VAC14: variants seen among roughly 807,000 people sequenced by gnomAD.
VAC14 encodes the protein VAC14 component of PIKFYVE complex.
Under a neutral mutation model 85.3 loss-of-function variants are expected in VAC14, and 47 were observed. The ratio of observed to expected loss-of-function variants is 0.55; its 90% CI spans 0.44 to 0.70. The LOEUF is 0.70. VAC14 is among the 30% of genes least tolerant of loss of function. VAC14 has a pLI of 0.00. For missense variants in VAC14, 861 were observed against 1,004.3 expected (o/e 0.86, Z 1.93); for synonymous variants, 447 against 430.5 (o/e 1.04, Z -0.47).
intron 12 of VAC14, among the ~76,000 whole-genome samples, chr16:70,759,836 G>A (rs1406234977): frequency 6.6e-6 from 1 of 152,116 alleles, no homozygotes; most frequent in Admixed American, 6.5e-5. Context: ...TGAGACTCAG[G>A]CCTGGTGAGG....
At chr16:70,769,705 G>C (rs546271477) in intron 10 of VAC14, 1 of 152,224 alleles carries the variant, frequency 6.6e-6, no homozygotes, top group Non-Finnish European at 1.5e-5. Flanking sequence ...CTTGGCACAA[G>C]AACTGAGGGC....
intron 13 of VAC14, among the ~76,000 whole-genome samples, chr16:70,736,132 G>A (rs778924591): frequency 7.2e-5 from 11 of 152,308 alleles, no homozygotes; most frequent in Non-Finnish European, 1.5e-4. Context: ...GTGCGGGGCC[G>A]TTCCAGCCTC....
chr16:70,690,530 C>G (rs1387222045), intron 18 of VAC14: 4 of 985,504 alleles, frequency 4.1e-6, no homozygotes, highest in Non-Finnish European at 4.8e-6. Context: ...GAGACAGTCA[C>G]TGGGGAGTGG....
chr16:70,729,491 C>T (rs1364357195), intron 14 of VAC14, among the ~76,000 whole-genome samples: 1 of 152,110 alleles, frequency 6.6e-6, no homozygotes, highest in Non-Finnish European at 1.5e-5. Flanking sequence ...GGCCGGTCAC[C>T]TCCTGTACGC....
At chr16:70,754,571 AGGG>A (rs997697709) in intron 12 of VAC14, among the ~76,000 whole-genome samples, 3 of 151,972 alleles carry the variant, frequency 2.0e-5, no homozygotes, top group African/African-American at 7.3e-5. Context: ...CCGCGGGGAG[AGGG>A]GACAGAGGGC....
At chr16:70,752,577 C>T (rs946373000) in intron 12 of VAC14, among the ~76,000 whole-genome samples, 1 of 152,258 alleles carries the variant, frequency 6.6e-6, no homozygotes, top group Non-Finnish European at 1.5e-5. Context: ...CACTCATACC[C>T]GCTATGGCTC....
chr16:70,697,076 G>A, intron 16 of VAC14, 63 bp downstream of exon 16: 1 of 1,403,748 alleles, frequency 7.1e-7, no homozygotes, highest in South Asian at 1.2e-5. Context: ...GGTGGAAAGG[G>A]GGCAGCCGGC....
intron 14 of VAC14, among the ~76,000 whole-genome samples, chr16:70,724,210 C>A (rs1297982324): frequency 6.6e-6 from 1 of 152,186 alleles, no homozygotes; most frequent in Non-Finnish European, 1.5e-5. Flanking sequence ...GCAAGGCCTG[C>A]CACATGTGGT....
At chr16:70,785,929 C>T (rs2034034466) in intron 2 of VAC14, 60 bp from the exon 3 acceptor site, 1 of 1,527,978 alleles carries the variant, frequency 6.5e-7, no homozygotes. Context: ...GCCCTGCAGC[C>T]TGCAGTGCCA....
rs570788109 is a variant in VAC14, at chr16:70,757,750, C to T, written c.1371+4790G>A. 2.6e-5 allele frequency among the ~76,000 whole-genome samples: 4 copies of T among 152,322 alleles called. No homozygotes were observed. The East Asian group carries it at 7.7e-4, about 29-fold the overall frequency. ...CCAGGCCCTTTACAGAAATGACCTC[C>T]TGCATCGGAGGAGCTACTGCTTATC... On this transcript the variant is annotated intron_variant, in intron 12 of 18. Transcript: ENST00000261776.
At chr16:70,784,259 A>G in intron 4 of VAC14, 39 bp from the exon 5 acceptor site, 2 of 1,566,634 alleles carry the variant, frequency 1.3e-6, no homozygotes, top group Non-Finnish European at 1.8e-6. Context: ...AGAGCCCGAG[A>G]CCAGGGCTGC....
At chr16:70,696,993 G>A (rs2053725470) in intron 16 of VAC14, 146 bp downstream of exon 16, 5 of 648,098 alleles carry the variant, frequency 7.7e-6, no homozygotes, top group Non-Finnish European at 1.4e-5. Flanking sequence ...TGTCCTGGCA[G>A]CCCTGATGTC....
intron 1 of VAC14, among the ~76,000 whole-genome samples, chr16:70,798,108 T>C (rs2034623922): frequency 6.6e-6 from 1 of 152,222 alleles, no homozygotes; most frequent in Non-Finnish European, 1.5e-5. Context: ...ATGAAGAAAT[T>C]GAGGCACAGA....
chr16:70,765,377 AGTG>A (rs986024616), intron 10 of VAC14, among the ~76,000 whole-genome samples: 4 of 152,196 alleles, frequency 2.6e-5, no homozygotes, highest in Non-Finnish European at 4.4e-5. Flanking sequence ...GGGCAGGATC[AGTG>A]GTGTGTCTGA....
intron 10 of VAC14, among the ~76,000 whole-genome samples, chr16:70,767,723 A>G (rs947672753): frequency 4.6e-5 from 7 of 152,234 alleles, no homozygotes; most frequent in Admixed American, 4.6e-4. Context: ...TAGTTGAGTG[A>G]CTCTGGGCAA....
chr16:70,788,262 G>T (rs565259425), intron 1 of VAC14, among the ~76,000 whole-genome samples: 26 of 152,352 alleles, frequency 1.7e-4, no homozygotes, highest in Admixed American at 1.5e-3. Flanking sequence ...GTTCAAAGAG[G>T]GACCGGGCAG....
chr16:70,713,264 C>T (rs2054075749), intron 14 of VAC14, among the ~76,000 whole-genome samples: 1 of 152,172 alleles, frequency 6.6e-6, no homozygotes, highest in Non-Finnish European at 1.5e-5. Flanking sequence ...AGACGAAGCC[C>T]CCATCTCCAC....
At position 70,689,002 on chromosome 16, in the gene VAC14, G is replaced by A. The variant is rs528740233; in HGVS notation, c.2187-912C>T. ...GGAAGGGGTCTCAGGAAGACTGTGG[G>A]CTGCTCAGCTAAGCAGAGAGTCTTG... On this transcript the variant is annotated intron_variant, in intron 18 of 18. Transcript: ENST00000261776. The A allele has an allele frequency of 4.1e-6, 4 of 985,218 alleles. No homozygotes were observed. The East Asian group carries it at 3.4e-4, about 84-fold the overall frequency. The allele number at this position is 985,218 out of a possible 1,614,324, so 61.0% of individuals were successfully genotyped here.
intron 1 of VAC14, among the ~76,000 whole-genome samples, chr16:70,796,222 C>T (rs1437269022): frequency 1.3e-5 from 2 of 152,190 alleles, no homozygotes; most frequent in Non-Finnish European, 2.9e-5. Context: ...GGTCACTTAA[C>T]ACCACACTGG....
Sources: gnomAD v4.1 joint callset for allele counts (sites outside exome capture counted in the v4.1 genomes callset) on GRCh38, gnomAD v4.1.1 for gene constraint, MANE v1.5 for transcripts, NCBI Gene and HGNC (gene_info 2026-07-23, HGNC 2026-07-21) for gene names.